GALNT11: variants seen among roughly 807,000 people sequenced by gnomAD.
GALNT11 encodes the protein UDP-GalNAc:polypeptide N-acetylgalactosaminyltransferase 11.
In GALNT11, 47 loss-of-function variants were observed where a neutral mutation model predicts 72.7. The ratio of observed to expected loss-of-function variants is 0.65; its 90% CI spans 0.51 to 0.82. The LOEUF is 0.82. GALNT11 is among the 40% of genes least tolerant of loss of function. The pLI is 0.00. For synonymous variants in GALNT11, 270 were observed against 286.6 expected (o/e 0.94, Z 0.58); for missense variants, 677 against 778.4 (o/e 0.87, Z 1.55).
chr7:152,097,532 G>A lies in GALNT11; in HGVS notation c.295+3010G>A, dbSNP rs1042919828. On this transcript the variant is annotated intron_variant, in intron 2 of 11. Coordinates refer to ENST00000430044, the MANE Select transcript of GALNT11 (RefSeq NM_022087.4). Reference sequence around the variant, plus strand: ...TTGGAAGAATTGTCAACAGGTGCTCGAAAACTTGTACTCAATGTTCATTAG... The same window carrying A: ...TTGGAAGAATTGTCAACAGGTGCTCAAAAACTTGTACTCAATGTTCATTAG... Among the ~76,000 whole-genome samples, 11 of 152,294 alleles carry A rather than the reference G, an allele frequency of 7.2e-5. No homozygotes were observed. In the East Asian group the frequency reaches 1.3e-3, roughly 19 times the overall value.
intron 1 of GALNT11, among the ~76,000 whole-genome samples, chr7:152,084,372 T>C (rs1295511581): frequency 1.4e-5 from 2 of 140,608 alleles, no homozygotes; most frequent in African/African-American, 5.7e-5. Flanking sequence ...AGGGAGACCC[T>C]GTCTCTTTAA....
intron 10 of GALNT11, chr7:152,120,436 C>T (rs928166187): frequency 1.0e-5 from 2 of 196,684 alleles, no homozygotes; most frequent in South Asian, 9.0e-5. Context: ...CCTGACTGCC[C>T]CGATGAGGCA....
intron 1 of GALNT11, among the ~76,000 whole-genome samples, chr7:152,052,124 TG>T (rs1274860734): frequency 1.3e-5 from 2 of 152,344 alleles, no homozygotes; most frequent in East Asian, 1.9e-4. Context: ...TTTATCCTGT[TG>T]TGTCTGATTT....
At chr7:152,098,313 C>A (rs2086526426) in intron 2 of GALNT11, among the ~76,000 whole-genome samples, 1 of 152,006 alleles carries the variant, frequency 6.6e-6, no homozygotes, top group African/African-American at 2.4e-5. Context: ...GGGCGCATGG[C>A]TGTAGTCCCA....
intron 1 of GALNT11, among the ~76,000 whole-genome samples, chr7:152,079,684 C>A (rs559799197): frequency 6.6e-6 from 1 of 152,304 alleles, no homozygotes; most frequent in South Asian, 2.1e-4. Context: ...TTATAAACTA[C>A]TATTGGTAGC....
chr7:152,106,349 G>A (rs533112937), intron 5 of GALNT11, among the ~76,000 whole-genome samples: 128 of 152,298 alleles, frequency 8.4e-4, no homozygotes, highest in Non-Finnish European at 1.4e-3. Flanking sequence ...CACTCCCCCT[G>A]TGGAGCCACT....
intron 7 of GALNT11, among the ~76,000 whole-genome samples, chr7:152,111,399 C>T (rs1424556209): frequency 6.6e-6 from 1 of 152,224 alleles, no homozygotes; most frequent in Admixed American, 6.5e-5. Context: ...AAGCAATCCT[C>T]CTGCCTTAGC....
chr7:152,113,411 T>A lies in GALNT11; in HGVS notation c.1233+13T>A. 1 of 1,612,572 alleles carries A rather than the reference T, an allele frequency of 6.2e-7. No individual in the cohort carries two copies. Among genetic ancestry groups the A allele is most frequent in the Non-Finnish European group, 8.5e-7 (1 of 1,179,364 alleles). On this transcript the variant is annotated intron_variant, in intron 8 of 11. Coordinates refer to ENST00000430044, the MANE Select transcript of GALNT11 (RefSeq NM_022087.4). ...GGATGAATACAAGGTGAGATGAAAT[T>A]TCTTGTTTAGAAGGATGAATGATAG... is the stretch of plus-strand genomic sequence containing the variant.
intron 1 of GALNT11, among the ~76,000 whole-genome samples, chr7:152,033,537 A>G (rs2082408078): frequency 6.6e-6 from 1 of 152,194 alleles, no homozygotes; most frequent in Non-Finnish European, 1.5e-5. Context: ...TAACAAACTT[A>G]TATTTTACAA....
intron 8 of GALNT11, among the ~76,000 whole-genome samples, chr7:152,113,881 C>G (rs969488544): frequency 6.6e-6 from 1 of 150,978 alleles, no homozygotes; most frequent in African/African-American, 2.4e-5. Flanking sequence ...GGACTATAGG[C>G]ATGTGCTACC....
intron 1 of GALNT11, among the ~76,000 whole-genome samples, chr7:152,086,300 C>T (rs1270413419): frequency 6.6e-6 from 1 of 152,164 alleles, no homozygotes; most frequent in Non-Finnish European, 1.5e-5. Context: ...TCTGGGATTA[C>T]AAGCGAGAGC....
chr7:152,041,881 C>T (rs137986899), intron 1 of GALNT11, among the ~76,000 whole-genome samples: 443 of 152,208 alleles, frequency 2.9e-3, no homozygotes, highest in African/African-American at 0.01. Context: ...TACTAAGGTC[C>T]CCAAGTAGGA....
intron 1 of GALNT11, among the ~76,000 whole-genome samples, chr7:152,071,940 C>T (rs959232942): frequency 2.8e-5 from 4 of 142,466 alleles, no homozygotes; most frequent in Admixed American, 7.6e-5. Flanking sequence ...ACTTGGGAGG[C>T]GGAGGTTGCA....
At position 152,118,738 on chromosome 7, in the gene GALNT11, G is replaced by C; in HGVS notation, c.1513G>C (p.Gly505Arg). Residue 505 changes from glycine to arginine, a missense_variant, in exon 10 of 12, where the codon GGT (glycine) becomes CGT (arginine). By Grantham distance (125) the Gly-to-Arg change is moderately radical (BLOSUM62 -2). Coordinates refer to ENST00000430044, the MANE Select transcript of GALNT11 (RefSeq NM_022087.4). ...CCAGGGCCGCCCAAGTCAGAAGGGA[G>C]GTCTCGTGGTGCTTAAGGCCTGTGA... ...VAQGRPSQKG[G>R]LVVLKACDYS... 1 of 1,611,708 alleles carries C rather than the reference G, an allele frequency of 6.2e-7. No individual in the cohort carries two copies. Among genetic ancestry groups the C allele is most frequent in the Non-Finnish European group, 8.5e-7 (1 of 1,179,208 alleles).
Position 152,101,346 on chromosome 7 carries a change from G to A in GALNT11, c.419+425G>A, listed in dbSNP as rs547635327. ...TCAGTCATTCCACAGACAGACATTT[G>A]TTGAGCACCTTCTGTTTGCTACACG... On this transcript the variant is annotated intron_variant, in intron 3 of 11. Coordinates refer to ENST00000430044, the MANE Select transcript of GALNT11 (RefSeq NM_022087.4). Among the ~76,000 whole-genome samples the A allele has an allele frequency of 2.0e-5, 3 of 152,210 alleles. No homozygotes were observed. In the East Asian group the frequency reaches 5.8e-4, roughly 29 times the overall value.
At position 152,116,898 on chromosome 7, in the gene GALNT11, G is replaced by A. The variant is rs2129072691; in HGVS notation, c.1234-259G>A. 4 of 619,396 alleles carry A rather than the reference G, an allele frequency of 6.5e-6. No homozygotes were observed. The East Asian group carries it at 1.4e-4, about 21-fold the overall frequency. The allele number at this position is 619,396 out of a possible 1,614,324, so 38.4% of individuals were successfully genotyped here. A position where few individuals can be genotyped will look rare whatever the true frequency, so the allele number is the denominator to read the frequency against. On this transcript the variant is annotated intron_variant, in intron 8 of 11. Transcript: ENST00000430044. Reference sequence around the variant, plus strand: ...GTTTTAATTTCTGTGTGATAAATATGAACAGACACAGCCCACACACGCAGA... The same window carrying A: ...GTTTTAATTTCTGTGTGATAAATATAAACAGACACAGCCCACACACGCAGA...
chr7:152,101,304 G>T (rs1420169993), intron 3 of GALNT11, among the ~76,000 whole-genome samples: 2 of 151,998 alleles, frequency 1.3e-5, no homozygotes, highest in Admixed American at 1.3e-4. Context: ...TCCATCAAAG[G>T]CTTTTCGTGC....
chr7:152,064,572 G>A (rs181841092), intron 1 of GALNT11, among the ~76,000 whole-genome samples: 3 of 152,172 alleles, frequency 2.0e-5, no homozygotes, highest in Admixed American at 6.5e-5. Flanking sequence ...AATTTGGCAT[G>A]TTTTTGCAGT....
At chr7:152,077,575 A>G (rs184705933) in intron 1 of GALNT11, among the ~76,000 whole-genome samples, 6 of 152,274 alleles carry the variant, frequency 3.9e-5, no homozygotes, top group African/African-American at 1.2e-4. Context: ...CTGAAGCTCC[A>G]TGGGGTCACC....
Sources: allele counts gnomAD v4.1 joint callset (sites outside exome capture counted in the v4.1 genomes callset), GRCh38; gene constraint gnomAD v4.1.1; transcripts MANE v1.5; gene names NCBI Gene and HGNC (gene_info 2026-07-23, HGNC 2026-07-21).